SH3BGRL2: variants seen among roughly 807,000 people sequenced by gnomAD.
SH3BGRL2 encodes the protein SH3 domain-binding glutamic acid-rich-like protein 2.
Under a neutral mutation model 14.8 loss-of-function variants are expected in SH3BGRL2, and 21 were observed. That is an observed-to-expected ratio of 1.42 (90% CI 1.01 to 2.05). SH3BGRL2 has a LOEUF of 2.05. SH3BGRL2 is among the 30% of genes most tolerant of loss of function. SH3BGRL2 has a pLI of 0.00. For synonymous variants in SH3BGRL2, 50 were observed against 47.8 expected (o/e 1.05, Z -0.19); for missense variants, 147 against 130.8 (o/e 1.12, Z -0.61).
the SH3BGRL2 span, chr6:79,575,679 A>T: frequency 1.3e-5 from 2 of 152,094 alleles, no homozygotes; most frequent in Non-Finnish European, 2.9e-5. Flanking sequence ...TTCAGATATT[A>T]ATATAGATAT....
At chr6:79,602,292 T>C in the SH3BGRL2 span, among the ~76,000 whole-genome samples, 1 of 152,102 alleles carries the variant, frequency 6.6e-6, no homozygotes, top group East Asian at 1.9e-4. Flanking sequence ...ATATATAAAT[T>C]ACAATTATAG....
chr6:79,689,621 T>G (rs1770168775), intron 2 of SH3BGRL2, among the ~76,000 whole-genome samples: 1 of 151,862 alleles, frequency 6.6e-6, no homozygotes. Context: ...TGGTACAATC[T>G]CAAAATTTTG....
the SH3BGRL2 span, among the ~76,000 whole-genome samples, chr6:79,543,805 T>C: frequency 2.0e-5 from 3 of 152,350 alleles, no homozygotes; most frequent in East Asian, 5.8e-4. Flanking sequence ...GAATCATCAG[T>C]TATTTATAAA....
At chr6:79,601,527 T>C in the SH3BGRL2 span, among the ~76,000 whole-genome samples, 21 of 152,228 alleles carry the variant, frequency 1.4e-4, no homozygotes, top group African/African-American at 5.1e-4. Context: ...TGCAGAAATA[T>C]ATATTTTTAA....
the SH3BGRL2 span, among the ~76,000 whole-genome samples, chr6:79,583,950 C>T: frequency 1.3e-5 from 2 of 152,096 alleles, no homozygotes; most frequent in African/African-American, 2.4e-5. Flanking sequence ...GAGGCCAAAT[C>T]GGATCTAATT....
chr6:79,611,404 C>CTTT, the SH3BGRL2 span, among the ~76,000 whole-genome samples: 45 of 123,688 alleles, frequency 3.6e-4, 2 homozygotes, highest in African/African-American at 1.2e-3. Flanking sequence ...CAGTATATAA[C>CTTT]TTTTTTTTTT....
intron 2 of SH3BGRL2, among the ~76,000 whole-genome samples, chr6:79,688,064 G>A (rs1770136727): frequency 6.6e-6 from 1 of 152,102 alleles, no homozygotes; most frequent in South Asian, 2.1e-4. Flanking sequence ...CACAGATAAT[G>A]TCCTTAAGTA....
At chr6:79,676,631 GTGTGTGTGTATATATA>G (rs977009610) in intron 2 of SH3BGRL2, among the ~76,000 whole-genome samples, 16 of 129,954 alleles carry the variant, frequency 1.2e-4, no homozygotes, top group South Asian at 6.1e-4. Flanking sequence ...GTGTGTGTGT[GTGTGTGTGTATATATA>G]TATAATCTTT....
Position 79,645,154 on chromosome 6 carries a change from CA to C in SH3BGRL2, c.45+13664del, listed in dbSNP as rs68143148. Among the ~76,000 whole-genome samples the C allele has an allele frequency of 5.7e-3, 688 of 120,004 alleles. 4 individuals carry two copies. Among genetic ancestry groups the C allele is most frequent in the African/African-American group, 0.015 (482 of 31,616 alleles). The allele number at this position is 120,004 out of a possible 152,430, so 78.7% of individuals were successfully genotyped here. ...CTCCAGACAGAGTGAGAGTCCGTCT[CA>C]AAAAAAAAAAAAAAATAGGTCCTGA... is the stretch of plus-strand genomic sequence containing the variant. On this transcript the variant is annotated intron_variant, in intron 1 of 3. Transcript: ENST00000369838.
the SH3BGRL2 span, among the ~76,000 whole-genome samples, chr6:79,546,841 G>A: frequency 1.3e-5 from 2 of 151,776 alleles, no homozygotes; most frequent in African/African-American, 2.4e-5. Context: ...CACCATGCCC[G>A]GCTAATTTTT....
chr6:79,639,504 G>A (rs1307910097), intron 1 of SH3BGRL2, among the ~76,000 whole-genome samples: 2 of 152,050 alleles, frequency 1.3e-5, no homozygotes, highest in Admixed American at 6.6e-5. Context: ...CAGGAGGAGT[G>A]CCTGAACCTT....
chr6:79,649,987 A>T (rs2746309), intron 1 of SH3BGRL2, among the ~76,000 whole-genome samples: 30,703 of 126,780 alleles, frequency 0.24, 3,098 homozygotes, highest in East Asian at 0.41. Flanking sequence ...TCTCTCTCTC[A>T]CACACACACA....
In SH3BGRL2 at chr6:79,649,985, T is replaced by TCTCTCTCTCACA. The variant is rs765159303; in HGVS notation, c.45+18480_45+18481insTCTCTCTCACAC. On this transcript the variant is annotated intron_variant, in intron 1 of 3. Coordinates refer to ENST00000369838, the MANE Select transcript of SH3BGRL2 (RefSeq NM_031469.4). ...CTTATGTACTCTCTCTCTCTCTCTC[T>TCTCTCTCTCACA]CACACACACACACACACACACACAC... Among the ~76,000 whole-genome samples the TCTCTCTCTCACA allele has an allele frequency of 5.9e-4, 84 of 142,076 alleles. No homozygotes were observed. The South Asian group carries it at 8.5e-3, about 14-fold the overall frequency. 93.2% of individuals were successfully genotyped at this position (142,076 alleles called of 152,430 possible).
At chr6:79,591,266 G>A in the SH3BGRL2 span, among the ~76,000 whole-genome samples, 2 of 152,142 alleles carry the variant, frequency 1.3e-5, no homozygotes, top group Non-Finnish European at 2.9e-5. Flanking sequence ...ATCAGTCAGT[G>A]TATCAGTAAT....
chr6:79,572,107 C>T, the SH3BGRL2 span, among the ~76,000 whole-genome samples: 2 of 152,064 alleles, frequency 1.3e-5, no homozygotes, highest in African/African-American at 4.8e-5. Context: ...ACCAGTTTTT[C>T]CACTAGTGTC....
chr6:79,586,235 C>CTTTTTTTTTTTTT, the SH3BGRL2 span, among the ~76,000 whole-genome samples: 4 of 54,962 alleles, frequency 7.3e-5, no homozygotes, highest in African/African-American at 1.5e-4. Context: ...GTATGGACTT[C>CTTTTTTTTTTTTT]TTTTTTTTTT....
At chr6:79,641,029 A>G (rs1190286671) in intron 1 of SH3BGRL2, among the ~76,000 whole-genome samples, 1 of 152,206 alleles carries the variant, frequency 6.6e-6, no homozygotes, top group Non-Finnish European at 1.5e-5. Context: ...CCAAAGAGCA[A>G]TAAGCATAGC....
intron 1 of SH3BGRL2, among the ~76,000 whole-genome samples, chr6:79,665,002 C>T (rs1479405501): frequency 6.6e-6 from 1 of 152,104 alleles, no homozygotes; most frequent in Admixed American, 6.5e-5. Context: ...GAGTTTGAGA[C>T]CAGCCTGACC....
At chr6:79,564,132 A>G in the SH3BGRL2 span, among the ~76,000 whole-genome samples, 1 of 152,202 alleles carries the variant, frequency 6.6e-6, no homozygotes, top group African/African-American at 2.4e-5. Context: ...ACAATTAATA[A>G]AACTCACCTG....
Sources: allele counts gnomAD v4.1 joint callset (sites outside exome capture counted in the v4.1 genomes callset), GRCh38; gene constraint gnomAD v4.1.1; transcripts MANE v1.5; gene names NCBI Gene and HGNC (gene_info 2026-07-23, HGNC 2026-07-21).